SLCO1A2: variants seen among roughly 807,000 people sequenced by gnomAD.
The protein encoded by SLCO1A2 is OATP-1.
Under a neutral mutation model 69.0 loss-of-function variants are expected in SLCO1A2, and 67 were observed. The observed-to-expected ratio is 0.97, with a 90% CI of 0.80 to 1.19. The LOEUF is 1.19. Ranked by LOEUF, SLCO1A2 falls within the 50% of genes most tolerant of loss-of-function variation. SLCO1A2 has a pLI of 0.00. For synonymous variants in SLCO1A2, 260 were observed against 265.9 expected (o/e 0.98, Z 0.22); for missense variants, 787 against 793.7 (o/e 0.99, Z 0.10).
rs910065663 is a variant in SLCO1A2 at position 21,402,136 on chromosome 12, C to T, written c.-312+15746G>A. Among the ~76,000 whole-genome samples, 194 of 98,188 alleles carry T rather than the reference C, an allele frequency of 2.0e-3. 2 individuals are homozygous for T. Among genetic ancestry groups the T allele is most frequent in the Admixed American group, 0.018 (177 of 9,926 alleles). 64.4% of individuals were successfully genotyped at this position (98,188 alleles called of 152,430 possible). Reference sequence around the variant, plus strand: ...TAAAGAAAAACTTTTTTAAAAAAGACAAAAAAAAAAAACCAAGAAACTATA... The same window carrying T: ...TAAAGAAAAACTTTTTTAAAAAAGATAAAAAAAAAAAACCAAGAAACTATA... On this transcript the variant is annotated intron_variant, in intron 1 of 4. Coordinates refer to the SLCO1A2 transcript ENST00000413682.
intron 14 of SLCO1A2, among the ~76,000 whole-genome samples, chr12:21,270,783 T>A (rs1942670759): frequency 6.6e-6 from 1 of 151,666 alleles, no homozygotes; most frequent in Non-Finnish European, 1.5e-5. Context: ...AAAATCCCTA[T>A]GTAAGTGTTA....
At position 21,275,941 on chromosome 12, in the gene SLCO1A2, CAA is replaced by C. The variant is rs200829780; in HGVS notation, c.1611-519_1611-518del. On this transcript the variant is annotated intron_variant, in intron 12 of 14. Transcript: ENST00000683939. The stretch of plus-strand genomic sequence containing the variant: ...TGGGTGATAGAGCTACACTCCATCT[CAA>C]AAAAAAAAAATTGTTTTTAATAACA... Among the ~76,000 whole-genome samples, 13 of 140,348 alleles carry C rather than the reference CAA, an allele frequency of 9.3e-5. No homozygotes were observed. The East Asian group carries it at 1.8e-3, about 20-fold the overall frequency. The allele number at this position is 140,348 out of a possible 152,430, so 92.1% of individuals were successfully genotyped here. A position where few individuals can be genotyped will look rare whatever the true frequency, so the allele number is the denominator to read the frequency against.
At chr12:21,291,527 G>A (rs1025668623) in intron 12 of SLCO1A2, among the ~76,000 whole-genome samples, 1 of 152,120 alleles carries the variant, frequency 6.6e-6, no homozygotes, top group Non-Finnish European at 1.5e-5. Context: ...AAGAAAAAGA[G>A]AGAAAAAATG....
intron 1 of SLCO1A2, among the ~76,000 whole-genome samples, chr12:21,407,137 G>A (rs998237212): frequency 2.0e-5 from 3 of 152,046 alleles, no homozygotes; most frequent in Non-Finnish European, 4.4e-5. Context: ...ACAGAATGAT[G>A]GGCTTGGGAG....
intron 12 of SLCO1A2, among the ~76,000 whole-genome samples, chr12:21,275,671 T>C (rs1400237871): frequency 2.0e-5 from 3 of 152,180 alleles, no homozygotes; most frequent in African/African-American, 4.8e-5. Flanking sequence ...TCAGGCGCAG[T>C]GGCTCACCCC....
At chr12:21,320,575 T>G (rs1951480649) in intron 2 of SLCO1A2, among the ~76,000 whole-genome samples, 1 of 152,196 alleles carries the variant, frequency 6.6e-6, no homozygotes, top group African/African-American at 2.4e-5. Context: ...CTTGGCTCAC[T>G]GCAACCTCCA....
chr12:21,272,010 T>C (rs1168265893), intron 14 of SLCO1A2, among the ~76,000 whole-genome samples: 1 of 151,502 alleles, frequency 6.6e-6, no homozygotes, highest in East Asian at 1.9e-4. Context: ...ATGTTTACTA[T>C]AATTTATTCT....
At chr12:21,351,580 A>T (rs1026028989) in intron 2 of SLCO1A2, among the ~76,000 whole-genome samples, 1 of 152,048 alleles carries the variant, frequency 6.6e-6, no homozygotes, top group East Asian at 1.9e-4. Context: ...GTTCGAGACA[A>T]GCCTGGCCAA....
In SLCO1A2 at chr12:21,310,779, G is replaced by A. The variant is rs538174987; in HGVS notation, c.335+3770C>T. 1.2e-3 allele frequency among the ~76,000 whole-genome samples: 188 copies of A among 152,136 alleles called. 2 individuals carry two copies. The highest frequency in any genetic ancestry group is 2.1e-3 in the Non-Finnish European group (140 of 67,978). On this transcript the variant is annotated intron_variant, in intron 4 of 14. Coordinates refer to ENST00000683939, the MANE Select transcript of SLCO1A2 (RefSeq NM_001386879.1). Reference sequence around the variant, plus strand: ...CACCACGCCTGGCTCATTTTTTTGTGTTTTTAGTAGAGACGGGGTTTCACC... The same window carrying A: ...CACCACGCCTGGCTCATTTTTTTGTATTTTTAGTAGAGACGGGGTTTCACC...
chr12:21,285,829 C>T (rs1317219873), intron 12 of SLCO1A2, among the ~76,000 whole-genome samples: 6 of 152,040 alleles, frequency 3.9e-5, no homozygotes, highest in African/African-American at 1.2e-4. Flanking sequence ...TAAAAACTCT[C>T]AATAAATTAG....
upstream of SLCO1A2, among the ~76,000 whole-genome samples, chr12:21,396,874 A>G (rs1591915934): frequency 6.6e-6 from 1 of 152,196 alleles, no homozygotes; most frequent in Non-Finnish European, 1.5e-5. Flanking sequence ...TGAAGGAAGC[A>G]CTAAACATGG....
In SLCO1A2 at chr12:21,295,577, T is replaced by G. The variant is rs1247444811; in HGVS notation, c.1271+20A>C. ...AACCATTTGTTGAAAGATTCTCACA[T>G]TCATTAGAAAACAACATACCCTTCA... On this transcript the variant is annotated intron_variant, in intron 10 of 14. Coordinates refer to ENST00000683939, the MANE Select transcript of SLCO1A2 (RefSeq NM_001386879.1). 3 of 1,434,792 alleles carry G rather than the reference T, an allele frequency of 2.1e-6. No individual in the cohort carries two copies. The African/African-American group carries it at 4.3e-5, about 20-fold the overall frequency. The allele number at this position is 1,434,792 out of a possible 1,614,324, so 88.9% of individuals were successfully genotyped here. A position where few individuals can be genotyped will look rare whatever the true frequency, so the allele number is the denominator to read the frequency against.
At chr12:21,342,303 G>A (rs528373034) in intron 2 of SLCO1A2, among the ~76,000 whole-genome samples, 4 of 151,992 alleles carry the variant, frequency 2.6e-5, no homozygotes, top group Admixed American at 2.0e-4. Flanking sequence ...TTTGAAAAAA[G>A]AGTAATAGGA....
intron 2 of SLCO1A2, among the ~76,000 whole-genome samples, chr12:21,350,862 A>AAAAG (rs1937895873): frequency 6.7e-6 from 1 of 149,460 alleles, no homozygotes; most frequent in East Asian, 1.9e-4. Flanking sequence ...AAAAAAAAAA[A>AAAAG]AAGTCATGTT....
intron 2 of SLCO1A2, among the ~76,000 whole-genome samples, chr12:21,342,998 C>T (rs1047983785): frequency 6.6e-5 from 10 of 152,086 alleles, no homozygotes; most frequent in Non-Finnish European, 1.5e-5. Flanking sequence ...CTGTGCGTCA[C>T]ATCCAGGTGG....
chr12:21,406,326 T>C (rs1055683799), intron 1 of SLCO1A2, among the ~76,000 whole-genome samples: 1 of 133,170 alleles, frequency 7.5e-6, no homozygotes, highest in African/African-American at 2.9e-5. Context: ...TCTTTCACTA[T>C]TTCCAACTAT....
intron 2 of SLCO1A2, among the ~76,000 whole-genome samples, chr12:21,360,486 G>C (rs758468619): frequency 3.3e-5 from 5 of 152,238 alleles, no homozygotes; most frequent in Non-Finnish European, 7.3e-5. Context: ...CAGTGTGAAG[G>C]ACGCAGAAGA....
intron 1 of SLCO1A2, among the ~76,000 whole-genome samples, chr12:21,416,253 C>A (rs1941985899): frequency 6.6e-6 from 1 of 152,006 alleles, no homozygotes; most frequent in African/African-American, 2.4e-5. Flanking sequence ...ATTGGCTAAT[C>A]TGTCAGGCAA....
intron 4 of SLCO1A2, among the ~76,000 whole-genome samples, chr12:21,308,683 C>A (rs1949731736): frequency 6.6e-6 from 1 of 152,186 alleles, no homozygotes; most frequent in African/African-American, 2.4e-5. Context: ...GGTAGCTAAG[C>A]TTCTACCTCC....
Sources: gnomAD v4.1 joint callset for allele counts (sites outside exome capture counted in the v4.1 genomes callset) on GRCh38, gnomAD v4.1.1 for gene constraint, MANE v1.5 for transcripts, NCBI Gene and HGNC (gene_info 2026-07-23, HGNC 2026-07-21) for gene names.